The following RFX3 variants were observed in gnomAD, a reference collection of about 807,000 sequenced individuals.
The protein encoded by RFX3 is transcription factor RFX3.
Under a neutral mutation model 98.6 loss-of-function variants are expected in RFX3, and 14 were observed. That is an observed-to-expected ratio of 0.14 (90% CI 0.09 to 0.22). The LOEUF (loss-of-function observed/expected upper bound fraction) is 0.22, where lower values mean the gene tolerates loss of function less well. RFX3 is among the 10% of genes least tolerant of loss of function. The pLI is 1.00. For missense variants in RFX3, 639 were observed against 926.9 expected (o/e 0.69, Z 4.03); for synonymous variants, 383 against 328.4 (o/e 1.17, Z -1.80).
chr9:3,302,010 T>G (rs913024168), intron 4 of RFX3, among the ~76,000 whole-genome samples: 1 of 151,912 alleles, frequency 6.6e-6, no homozygotes, highest in African/African-American at 2.4e-5. Context: ...ATTAGTGCTA[T>G]TCTCTCACGA....
At chr9:3,399,043 G>C (rs909671754) in intron 1 of RFX3, among the ~76,000 whole-genome samples, 4 of 151,540 alleles carry the variant, frequency 2.6e-5, no homozygotes, top group African/African-American at 9.7e-5. Context: ...GCCTTCTATG[G>C]ACTACATTTG....
chr9:3,418,873 G>T (rs1160365309), intron 1 of RFX3, among the ~76,000 whole-genome samples: 1 of 152,136 alleles, frequency 6.6e-6, no homozygotes, highest in Non-Finnish European at 1.5e-5. Context: ...CAAGAGACAT[G>T]ATCCAGTGGA....
chr9:3,270,330 A>G lies in RFX3; in HGVS notation c.1357+41T>C, dbSNP rs374991804. 2.6e-6 allele frequency: 4 copies of G among 1,567,468 alleles called. No individual in the cohort carries two copies. The African/African-American group carries it at 4.1e-5, about 16-fold the overall frequency. ...TCTCAAAACTTCCTGGGTGGAATGTATGAGAACAAAAGCATCCGTACTCGT... is the reference window on the plus strand; with the variant it reads ...TCTCAAAACTTCCTGGGTGGAATGTGTGAGAACAAAAGCATCCGTACTCGT... On this transcript the variant is annotated intron_variant, in intron 11 of 16. Coordinates refer to ENST00000617270, the MANE Select transcript of RFX3 (RefSeq NM_001282116.2).
At chr9:3,240,050 T>A (rs1475241680) in intron 15 of RFX3, among the ~76,000 whole-genome samples, 1 of 152,164 alleles carries the variant, frequency 6.6e-6, no homozygotes, top group African/African-American at 2.4e-5. Flanking sequence ...AAGCTGTTCA[T>A]AATATAAGAT....
chr9:3,483,692 A>C (rs958940082), intron 1 of RFX3, among the ~76,000 whole-genome samples: 1 of 152,232 alleles, frequency 6.6e-6, no homozygotes, highest in Non-Finnish European at 1.5e-5. Context: ...AGTAAAGATC[A>C]GCAACTGTAT....
chr9:3,392,854 G>A (rs575434004), intron 2 of RFX3, among the ~76,000 whole-genome samples: 44 of 152,184 alleles, frequency 2.9e-4, no homozygotes, highest in African/African-American at 1.1e-3. Flanking sequence ...GAGTTTTACA[G>A]GAAAGGAAGG....
chr9:3,432,984 C>T (rs1049200322), intron 1 of RFX3, among the ~76,000 whole-genome samples: 5 of 152,068 alleles, frequency 3.3e-5, no homozygotes, highest in Admixed American at 6.6e-5. Flanking sequence ...TCCAGGTTAG[C>T]GTGTAAGTTT....
intron 11 of RFX3, 127 bp downstream of exon 11, chr9:3,270,244 G>A: frequency 1.1e-6 from 1 of 931,280 alleles, no homozygotes; most frequent in South Asian, 1.9e-5. Context: ...ATTCTGTGTT[G>A]CATGTTTTCT....
chr9:3,515,363 T>C (rs932942334), intron 1 of RFX3, among the ~76,000 whole-genome samples: 1 of 152,170 alleles, frequency 6.6e-6, no homozygotes, highest in African/African-American at 2.4e-5. Flanking sequence ...TTAAACAGAA[T>C]GCCCGTCTTC....
intron 10 of RFX3, 85 bp downstream of exon 10, chr9:3,270,918 C>T: frequency 6.3e-7 from 1 of 1,587,586 alleles, no homozygotes; most frequent in Non-Finnish European, 8.6e-7. Context: ...AGGTAAGGTT[C>T]ACAACTGGTA....
At chr9:3,226,436 T>C (rs1438398144) in intron 16 of RFX3, among the ~76,000 whole-genome samples, 4 of 152,170 alleles carry the variant, frequency 2.6e-5, no homozygotes, top group Admixed American at 6.5e-5. Flanking sequence ...GGCTTCCATA[T>C]ATGGCTGTAC....
chr9:3,444,429 G>C (rs1016747229), intron 1 of RFX3, among the ~76,000 whole-genome samples: 7 of 151,710 alleles, frequency 4.6e-5, no homozygotes, highest in African/African-American at 1.7e-4. Context: ...TCTTGGTGGG[G>C]CAGGGAGAGG....
chr9:3,358,603 A>C (rs182094309), intron 2 of RFX3, among the ~76,000 whole-genome samples: 69 of 152,258 alleles, frequency 4.5e-4, no homozygotes, highest in Admixed American at 1.6e-3. Context: ...TGAATGGAAG[A>C]CCAAATTAAA....
At chr9:3,272,480 A>G (rs532112388) in intron 9 of RFX3, among the ~76,000 whole-genome samples, 1 of 152,348 alleles carries the variant, frequency 6.6e-6, no homozygotes, top group Admixed American at 6.5e-5. Context: ...GTAGTTAAAT[A>G]TTGAAAATGA....
In RFX3 at chr9:3,221,530, A is replaced by G. The variant is rs1817339179; in HGVS notation, c.*3512T>C. On this transcript the variant is annotated 3_prime_UTR_variant, in exon 17 of 17. Coordinates refer to ENST00000617270, the MANE Select transcript of RFX3 (RefSeq NM_001282116.2). ...AAGAGAGGTGCATAAACCGTGCTAT[A>G]CAGTACAAGAAAAATCACACAAAGG... 1 of 152,208 alleles carries G rather than the reference A, an allele frequency of 6.6e-6. No homozygotes were observed. The highest frequency in any genetic ancestry group is 1.5e-5 in the Non-Finnish European group (1 of 68,028). The allele number at this position is 152,208 out of a possible 1,614,324, so 9.4% of individuals were successfully genotyped here. A position where few individuals can be genotyped will look rare whatever the true frequency, so the allele number is the denominator to read the frequency against.
At chr9:3,318,923 T>C (rs1364125537) in intron 4 of RFX3, among the ~76,000 whole-genome samples, 1 of 152,214 alleles carries the variant, frequency 6.6e-6, no homozygotes, top group African/African-American at 2.4e-5. Context: ...TTGATTATTC[T>C]GTGGAGCCCA....
At chr9:3,269,407 C>T (rs1431219225) in intron 11 of RFX3, among the ~76,000 whole-genome samples, 1 of 152,040 alleles carries the variant, frequency 6.6e-6, no homozygotes, top group East Asian at 1.9e-4. Flanking sequence ...CACAAATCAT[C>T]TGTGAATAGT....
chr9:3,284,287 C>A (rs181425425), intron 7 of RFX3, among the ~76,000 whole-genome samples: 1 of 151,630 alleles, frequency 6.6e-6, no homozygotes, highest in Non-Finnish European at 1.5e-5. Flanking sequence ...TAAACTGCAG[C>A]AAATACTGTT....
At chr9:3,260,149 G>C (rs955379366) in intron 13 of RFX3, among the ~76,000 whole-genome samples, 1 of 152,060 alleles carries the variant, frequency 6.6e-6, no homozygotes, top group East Asian at 1.9e-4. Flanking sequence ...TAAAATGTAG[G>C]GGGAAATGAA....
Sources: gnomAD v4.1 joint callset for allele counts (sites outside exome capture counted in the v4.1 genomes callset) on GRCh38, gnomAD v4.1.1 for gene constraint, MANE v1.5 for transcripts, NCBI Gene and HGNC (gene_info 2026-07-23, HGNC 2026-07-21) for gene names.